Variants in MIPOL1 observed in about 807,000 individuals in gnomAD.
MIPOL1 encodes the protein mirror-image polydactyly 1.
Under a neutral mutation model 60.9 loss-of-function variants are expected in MIPOL1, and 57 were observed. That is an observed-to-expected ratio of 0.94 (90% CI 0.76 to 1.17). The LOEUF is 1.17. Ranked by LOEUF, MIPOL1 falls within the 50% of genes most tolerant of loss-of-function variation. The pLI is 0.00. For missense variants in MIPOL1, 551 were observed against 511.6 expected (o/e 1.08, Z -0.74); for synonymous variants, 179 against 168.8 (o/e 1.06, Z -0.47).
chr14:37,383,884 T>C (rs2092994632), intron 10 of MIPOL1, among the ~76,000 whole-genome samples: 1 of 151,870 alleles, frequency 6.6e-6, no homozygotes, highest in South Asian at 2.1e-4. Flanking sequence ...GCTGTTGCTG[T>C]TAAACTGGAT....
chr14:37,459,338 A>G (rs2153580647), intron 11 of MIPOL1, among the ~76,000 whole-genome samples: 2 of 152,304 alleles, frequency 1.3e-5, no homozygotes, highest in South Asian at 4.1e-4. Flanking sequence ...AATGGTGACA[A>G]TACAACTGAT....
chr14:37,234,994 T>G (rs1971243852), intron 1 of MIPOL1, among the ~76,000 whole-genome samples: 1 of 147,546 alleles, frequency 6.8e-6, no homozygotes, highest in African/African-American at 2.5e-5. Flanking sequence ...GGTTTCACCG[T>G]GTTAGCCAGG....
intron 12 of MIPOL1, chr14:37,501,476 C>A (rs1194632427): frequency 1.3e-5 from 2 of 152,108 alleles, no homozygotes; most frequent in African/African-American, 4.8e-5. Context: ...ATTCTATTTT[C>A]AAAAAATCTT....
chr14:37,271,173 A>G (rs1205435320), intron 6 of MIPOL1, among the ~76,000 whole-genome samples: 1 of 152,054 alleles, frequency 6.6e-6, no homozygotes, highest in African/African-American at 2.4e-5. Flanking sequence ...GATACAATGA[A>G]ATGATTCACA....
chr14:37,291,407 G>C (rs1054438536), intron 7 of MIPOL1, among the ~76,000 whole-genome samples: 6 of 151,470 alleles, frequency 4.0e-5, no homozygotes, highest in African/African-American at 1.5e-4. Context: ...AATTGTCATT[G>C]TTCTTTTCCA....
intron 11 of MIPOL1, among the ~76,000 whole-genome samples, chr14:37,452,868 C>T (rs1235420857): frequency 6.6e-6 from 1 of 152,150 alleles, no homozygotes; most frequent in Non-Finnish European, 1.5e-5. Context: ...CTGTTAGGTA[C>T]TCAAGAGTTA....
intron 10 of MIPOL1, among the ~76,000 whole-genome samples, chr14:37,374,190 A>C (rs954144224): frequency 1.3e-5 from 2 of 152,098 alleles, no homozygotes; most frequent in Admixed American, 1.3e-4. Context: ...TCTTTTGAGA[A>C]GTGTCTGTTC....
intron 12 of MIPOL1, among the ~76,000 whole-genome samples, chr14:37,510,476 A>G (rs2095319688): frequency 6.6e-6 from 1 of 152,040 alleles, no homozygotes; most frequent in South Asian, 2.1e-4. Flanking sequence ...GGCTGGAGCA[A>G]TCTGCCCGCC....
intron 10 of MIPOL1, among the ~76,000 whole-genome samples, chr14:37,395,684 A>G (rs2153524352): frequency 6.6e-6 from 1 of 152,160 alleles, no homozygotes; most frequent in South Asian, 2.1e-4. Flanking sequence ...TTTGAGGTAA[A>G]CAATCATATC....
chr14:37,259,424 AG>A (rs2082359421), intron 3 of MIPOL1, among the ~76,000 whole-genome samples: 1 of 151,954 alleles, frequency 6.6e-6, no homozygotes, highest in African/African-American at 2.4e-5. Context: ...CAAATTAGCC[AG>A]GTGTGGTGGT....
intron 6 of MIPOL1, chr14:37,276,245 A>G (rs576749866): frequency 6.6e-6 from 1 of 151,140 alleles, no homozygotes; most frequent in South Asian, 2.1e-4. Context: ...CTCTGCATGC[A>G]AATTTAGACT....
chr14:37,293,635 T>C (rs867290380), intron 7 of MIPOL1, among the ~76,000 whole-genome samples: 1 of 152,138 alleles, frequency 6.6e-6, no homozygotes, highest in Non-Finnish European at 1.5e-5. Flanking sequence ...CCAATGGGCT[T>C]ATCAAACGGC....
chr14:37,502,773 T>C (rs1316969364), intron 12 of MIPOL1: 3 of 152,168 alleles, frequency 2.0e-5, no homozygotes, highest in Admixed American at 6.5e-5. Context: ...AGAATGACTT[T>C]GATGAGTTGG....
At chr14:37,198,362 C>T (rs960612157) in intron 1 of MIPOL1, 3 of 152,138 alleles carry the variant, frequency 2.0e-5, no homozygotes, top group Non-Finnish European at 2.9e-5. Context: ...AATACTGGAC[C>T]TGAGCAGCTG....
At chr14:37,274,399 C>CATT (rs1162862307) in intron 6 of MIPOL1, among the ~76,000 whole-genome samples, 1 of 151,388 alleles carries the variant, frequency 6.6e-6, no homozygotes, top group Non-Finnish European at 1.5e-5. Flanking sequence ...ACATCACCAT[C>CATT]ATTACTGTCA....
At chr14:37,290,201 C>G (rs2084934773) in intron 7 of MIPOL1, among the ~76,000 whole-genome samples, 1 of 152,116 alleles carries the variant, frequency 6.6e-6, no homozygotes. Context: ...ACAGATTCCC[C>G]ATCCCCTTGT....
At chr14:37,540,141 A>G (rs1193464122) in intron 12 of MIPOL1, among the ~76,000 whole-genome samples, 1 of 152,218 alleles carries the variant, frequency 6.6e-6, no homozygotes, top group Non-Finnish European at 1.5e-5. Context: ...AGTCTTGGGC[A>G]GCCCTTTATA....
At chr14:37,525,718 G>A (rs1448751357) in intron 12 of MIPOL1, among the ~76,000 whole-genome samples, 7 of 152,132 alleles carry the variant, frequency 4.6e-5, no homozygotes, top group East Asian at 1.9e-4. Flanking sequence ...AATCAGGTCA[G>A]GTTTTGCTGC....
intron 11 of MIPOL1, among the ~76,000 whole-genome samples, chr14:37,458,069 C>G (rs1006281676): frequency 6.7e-6 from 1 of 150,316 alleles, no homozygotes; most frequent in African/African-American, 2.4e-5. Flanking sequence ...TAATCAAAAA[C>G]AGTAAAAAAA....
Sources: gnomAD v4.1 joint callset for allele counts (sites outside exome capture counted in the v4.1 genomes callset) on GRCh38, gnomAD v4.1.1 for gene constraint, MANE v1.5 for transcripts, NCBI Gene and HGNC (gene_info 2026-07-23, HGNC 2026-07-21) for gene names.